ZNF79: variants seen among roughly 807,000 people sequenced by gnomAD.
ZNF79 encodes zinc finger protein 79.
Under a neutral mutation model 14.9 loss-of-function variants are expected in ZNF79, and 13 were observed. The observed-to-expected ratio is 0.87, with a 90% CI of 0.57 to 1.38. The LOEUF (loss-of-function observed/expected upper bound fraction) is 1.38. Among genes scored for constraint, ZNF79 ranks in the 40% most tolerant of loss-of-function variants. The pLI is 0.00. For missense variants in ZNF79, 631 were observed against 630.6 expected, an observed-to-expected ratio of 1.00 and a Z score of -0.01; for synonymous variants, 223 against 235.1, an observed-to-expected ratio of 0.95 and a Z score of 0.47.
rs184244786 is a variant in ZNF79 at position 127,429,467 on chromosome 9, C to T, written c.105+547C>T. 2.8e-3 allele frequency among the ~76,000 whole-genome samples: 425 copies of T among 149,986 alleles called. 5 individuals are homozygous for T. The Middle Eastern group carries it at 0.031, about 11-fold the overall frequency. ...TCCCAAGTAGCTGGGACCACAGGCT[C>T]GTGCCACCATGCCTAGCTAATTTTT... On this transcript the variant is annotated intron_variant, in intron 2 of 4. Transcript: ENST00000342483.
chr9:127,441,741 C>T (rs1451037411), intron 4 of ZNF79, among the ~76,000 whole-genome samples: 6 of 151,798 alleles, frequency 4.0e-5, no homozygotes, highest in African/African-American at 7.3e-5. Flanking sequence ...GTCAGAAGAT[C>T]GAGACCATCC....
chr9:127,443,916 A>AG (rs1834096953), intron 4 of ZNF79, 113 bp from the exon 5 acceptor site: 2 of 905,538 alleles, frequency 2.2e-6, no homozygotes, highest in Non-Finnish European at 3.1e-6. Flanking sequence ...AAAAAAAAAA[A>AG]AAAAAAGGAG....
At chr9:127,440,273 G>A (rs1834027413) in intron 4 of ZNF79, among the ~76,000 whole-genome samples, 1 of 152,168 alleles carries the variant, frequency 6.6e-6, no homozygotes, top group South Asian at 2.1e-4. Flanking sequence ...GAGCTGTTTG[G>A]GAGCTGATGA....
In ZNF79 at chr9:127,435,170, G is replaced by T. The variant is rs1220176500; in HGVS notation, c.186G>T (p.Arg62Ser). 7 of 1,613,030 alleles carry T rather than the reference G, an allele frequency of 4.3e-6. No individual in the cohort carries two copies. Among genetic ancestry groups the T allele is most frequent in the East Asian group, 2.2e-5 (1 of 44,812 alleles). ...GCCTCGTGTCTACTCCACGGGACAG[G>T]TTCAAGGAGGGGATACCAGGAAAGT... Reference protein sequence around the residue: ...WRCLVSTPRDRFKEGIPGKSR... With the variant: ...WRCLVSTPRDSFKEGIPGKSR... Residue 62 changes from arginine to serine, a missense_variant, in exon 3 of 5, where the codon AGG becomes AGT. Coordinates refer to ENST00000342483, the MANE Select transcript of ZNF79 (RefSeq NM_007135.3).
intron 4 of ZNF79, among the ~76,000 whole-genome samples, chr9:127,442,865 C>CTGTGTG (rs112600999): frequency 1.3e-5 from 2 of 149,390 alleles, no homozygotes; most frequent in African/African-American, 2.5e-5. Context: ...GTCTCAAAAT[C>CTGTGTG]TGTGTGTGTG....
At chr9:127,439,702 G>A (rs1411498074) in intron 4 of ZNF79, among the ~76,000 whole-genome samples, 1 of 152,128 alleles carries the variant, frequency 6.6e-6, no homozygotes, top group Non-Finnish European at 1.5e-5. Context: ...CTGATTCATT[G>A]AATCATTCAT....
intron 3 of ZNF79, 122 bp downstream of exon 3, chr9:127,435,338 C>T (rs1833929076): frequency 8.3e-7 from 1 of 1,201,772 alleles, no homozygotes; most frequent in Non-Finnish European, 1.1e-6. Flanking sequence ...GTTTATTCCT[C>T]TTGTTCTCTT....
chr9:127,428,996 G>T, intron 2 of ZNF79, 76 bp downstream of exon 2: 1 of 991,718 alleles, frequency 1.0e-6, no homozygotes, highest in South Asian at 2.1e-5. Flanking sequence ...CTTGTTTTTT[G>T]TTGTCATTGT....
rs1833713470 is a variant in ZNF79, at chr9:127,424,537, C to T, written c.-251C>T. On this transcript the variant is annotated 5_prime_UTR_variant, in exon 1 of 5. Transcript: ENST00000342483. ...CTGGCAGCGGCTTTTTCACCGGGTT[C>T]TGCTTGAGGCCGAGCCAAAGAGTGG... 2.3e-6 allele frequency: 1 copy of T among 442,204 alleles called. No individual in the cohort carries two copies. The highest frequency in any genetic ancestry group is 4.1e-6 in the Non-Finnish European group (1 of 245,006). The allele number at this position is 442,204 out of a possible 1,614,324, so 27.4% of individuals were successfully genotyped here. A position where few individuals can be genotyped will look rare whatever the true frequency, so the allele number is the denominator to read the frequency against.
rs537740372 is a variant in ZNF79 at position 127,438,805 on chromosome 9, G to A, written c.328+2802G>A. On this transcript the variant is annotated intron_variant, in intron 4 of 4. Coordinates refer to ENST00000342483, the MANE Select transcript of ZNF79 (RefSeq NM_007135.3). The stretch of plus-strand genomic sequence containing the variant: ...TTTCTGAGGCCTAAAGTGCTCTTAC[G>A]TTTTAACAAAAGACTGTAGCAATGG... Among the ~76,000 whole-genome samples the A allele has an allele frequency of 9.9e-5, 15 of 152,204 alleles. No homozygotes were observed. In the East Asian group the frequency reaches 1.9e-3, roughly 20 times the overall value.
intron 4 of ZNF79, among the ~76,000 whole-genome samples, chr9:127,443,456 T>G (rs1372161903): frequency 6.9e-6 from 1 of 144,956 alleles, no homozygotes; most frequent in Non-Finnish European, 1.6e-5. Flanking sequence ...GGTAACATAG[T>G]TGTTTATTAA....
chr9:127,424,675 A>T lies in ZNF79; in HGVS notation c.-113A>T, dbSNP rs1833717004. On this transcript the variant is annotated 5_prime_UTR_variant, in exon 1 of 5. Transcript: ENST00000342483. Reference sequence around the variant, plus strand: ...CTGCGGGGAGAGGCTGGAGAGGAAGAGTCCGGCCTGGGAGCCGTCAGAGCA... The same window carrying T: ...CTGCGGGGAGAGGCTGGAGAGGAAGTGTCCGGCCTGGGAGCCGTCAGAGCA... 6.6e-7 allele frequency: 1 copy of T among 1,522,546 alleles called. No individual in the cohort carries two copies. The allele number at this position is 1,522,546 out of a possible 1,614,324, so 94.3% of individuals were successfully genotyped here.
chr9:127,430,321 T>C (rs1194024495), intron 2 of ZNF79, among the ~76,000 whole-genome samples: 9 of 152,180 alleles, frequency 5.9e-5, no homozygotes, highest in Admixed American at 5.9e-4. Flanking sequence ...TAAATGGTTG[T>C]ATTATATGAT....
chr9:127,442,243 A>G (rs553603996), intron 4 of ZNF79, among the ~76,000 whole-genome samples: 1 of 150,666 alleles, frequency 6.6e-6, no homozygotes, highest in South Asian at 2.1e-4. Context: ...TTTACCAAAA[A>G]TACAAAAATT....
At chr9:127,439,195 AC>A (rs1229652509) in intron 4 of ZNF79, among the ~76,000 whole-genome samples, 15 of 151,884 alleles carry the variant, frequency 9.9e-5, no homozygotes, top group Non-Finnish European at 2.1e-4. Context: ...ACACACACAC[AC>A]ACACACACAA....
rs755252498 is a variant in ZNF79 at position 127,435,904 on chromosome 9, A to G, written c.233-4A>G. ...TCTAAAGCCTGTTTTTTCCCGTTGA[A>G]TAGGACTTCCAGTTTCCCAGCCTGG... On this transcript the variant is annotated splice_polypyrimidine_tract_variant and splice_region_variant and intron_variant, in intron 3 of 4. Transcript: ENST00000342483. The G allele has an allele frequency of 2.5e-6, 4 of 1,613,960 alleles. No individual in the cohort carries two copies. Among genetic ancestry groups the G allele is most frequent in the Non-Finnish European group, 2.5e-6 (3 of 1,179,860 alleles).
In ZNF79 at chr9:127,444,073, G is replaced by A. The variant is rs1456395982; in HGVS notation, c.373G>A (p.Glu125Lys). The part of the protein sequence containing the change: ...SGSPPEQALS[E>K]ASFQDPCVEM... Reference sequence around the variant, plus strand: ...ATCACCACCAGAGCAAGCCCTTTCTGAAGCTTCATTCCAAGACCCATGTGT... The same window carrying A: ...ATCACCACCAGAGCAAGCCCTTTCTAAAGCTTCATTCCAAGACCCATGTGT... The change falls in exon 5 of 5, where the codon GAA (glutamate) becomes AAA (lysine). Residue 125 changes from glutamate to lysine, a missense_variant. Transcript: ENST00000342483. 2.2e-5 allele frequency: 35 copies of A among 1,608,200 alleles called. No individual in the cohort carries two copies. The highest frequency in any genetic ancestry group is 2.8e-5 in the Non-Finnish European group (33 of 1,177,270).
In ZNF79 at chr9:127,435,989, G is replaced by A. The variant is rs371819507; in HGVS notation, c.314G>A (p.Arg105Gln). 82 of 1,614,054 alleles carry A rather than the reference G, an allele frequency of 5.1e-5. No individual in the cohort carries two copies. The highest frequency in any genetic ancestry group is 8.0e-5 in the African/African-American group (6 of 74,942). Residue 105 changes from arginine (R) to glutamine (Q), a missense_variant, in exon 4 of 5, where the codon CGA becomes CAA. Arg to Gln is a conservative substitution (Grantham distance 43). Coordinates refer to ENST00000342483, the MANE Select transcript of ZNF79 (RefSeq NM_007135.3). ...TGGATGCTGGAGGGCGAAGACCTGC[G>A]AAGTCCCTCTCCAGGTATGTGAGCA... is the stretch of plus-strand genomic sequence containing the variant. Reference protein sequence around the residue: ...GAWMLEGEDLRSPSPGWKIIS... With the variant: ...GAWMLEGEDLQSPSPGWKIIS...
At position 127,435,887 on chromosome 9, in the gene ZNF79, C is replaced by T. The variant is rs375751138; in HGVS notation, c.233-21C>T. Reference sequence around the variant, plus strand: ...CATACTTACTTACAATTTCTAAAGCCTGTTTTTTCCCGTTGAATAGGACTT... The same window carrying T: ...CATACTTACTTACAATTTCTAAAGCTTGTTTTTTCCCGTTGAATAGGACTT... On this transcript the variant is annotated intron_variant, in intron 3 of 4. Coordinates refer to ENST00000342483, the MANE Select transcript of ZNF79 (RefSeq NM_007135.3). 164 of 1,609,088 alleles carry T rather than the reference C, an allele frequency of 1.0e-4. No individual in the cohort carries two copies. In the African/African-American group the frequency reaches 2.1e-3, roughly 20 times the overall value.
Sources: allele counts gnomAD v4.1 joint callset (sites outside exome capture counted in the v4.1 genomes callset), GRCh38; gene constraint gnomAD v4.1.1; transcripts MANE v1.5; gene names NCBI Gene and HGNC (gene_info 2026-07-23, HGNC 2026-07-21).